HDAC9: variants seen among roughly 807,000 people sequenced by gnomAD.
HDAC9 encodes the protein histone deacetylase 9, also known as MEF-2 interacting transcription repressor (MITR) protein.
HDAC9 carries 41 observed loss-of-function variants against 139.4 expected under a neutral mutation model. The observed-to-expected ratio is 0.29, with a 90% CI of 0.23 to 0.38. The LOEUF (loss-of-function observed/expected upper bound fraction) is 0.38. Ranked by LOEUF, HDAC9 falls within the 10% of genes least tolerant of loss-of-function variation. HDAC9 has a pLI of 1.00. For missense variants in HDAC9, 1,147 were observed against 1,297.0 expected (o/e 0.88, Z 1.78); for synonymous variants, 517 against 476.2 (o/e 1.09, Z -1.12).
At chr7:18,780,903 A>G (rs1283087298) in intron 16 of HDAC9, among the ~76,000 whole-genome samples, 1 of 152,054 alleles carries the variant, frequency 6.6e-6, no homozygotes, top group African/African-American at 2.4e-5. Context: ...TTTAAAGTTC[A>G]CATCTGTATT....
intron 2 of HDAC9, among the ~76,000 whole-genome samples, chr7:18,228,951 A>G (rs1793257961): frequency 6.6e-6 from 1 of 152,168 alleles, no homozygotes; most frequent in African/African-American, 2.4e-5. Flanking sequence ...CAGTATGGGA[A>G]CCCATGCAGG....
At chr7:18,953,518 C>G (rs1782947219) in intron 23 of HDAC9, among the ~76,000 whole-genome samples, 1 of 152,048 alleles carries the variant, frequency 6.6e-6, no homozygotes, top group Non-Finnish European at 1.5e-5. Flanking sequence ...GATAGATTTG[C>G]AAGGTAGGAG....
intron 2 of HDAC9, among the ~76,000 whole-genome samples, chr7:18,546,033 G>C (rs1215733524): frequency 6.6e-6 from 1 of 151,986 alleles, no homozygotes; most frequent in African/African-American, 2.4e-5. Context: ...TATGCATATT[G>C]ACAAAACTGT....
chr7:18,902,323 C>G (rs981778919), intron 22 of HDAC9, among the ~76,000 whole-genome samples: 1 of 152,138 alleles, frequency 6.6e-6, no homozygotes, highest in South Asian at 2.1e-4. Context: ...GCAAAGCCCT[C>G]TAATGTGTCC....
intron 1 of HDAC9, among the ~76,000 whole-genome samples, chr7:18,435,385 A>T (rs1791093746): frequency 1.3e-5 from 2 of 152,092 alleles, no homozygotes; most frequent in Non-Finnish European, 2.9e-5. Context: ...ACAAACCTGC[A>T]CATGTACCCC....
At chr7:18,857,174 C>T (rs921744171) in intron 21 of HDAC9, among the ~76,000 whole-genome samples, 4 of 151,880 alleles carry the variant, frequency 2.6e-5, no homozygotes, top group Non-Finnish European at 4.4e-5. Context: ...TATTTATTTT[C>T]TTTCACTGAA....
At chr7:18,688,972 G>A (rs1374951891) in intron 12 of HDAC9, among the ~76,000 whole-genome samples, 1 of 151,958 alleles carries the variant, frequency 6.6e-6, no homozygotes, top group Non-Finnish European at 1.5e-5. Context: ...CTTAATGGAA[G>A]TTTTAATTAT....
chr7:18,422,921 A>C (rs1789776927), intron 1 of HDAC9, among the ~76,000 whole-genome samples: 1 of 152,210 alleles, frequency 6.6e-6, no homozygotes, highest in Admixed American at 6.5e-5. Flanking sequence ...TTAGGTCTCA[A>C]AACTTTCAAT....
At chr7:18,257,394 G>A (rs368691403) in intron 2 of HDAC9, among the ~76,000 whole-genome samples, 38 of 84,550 alleles carry the variant, frequency 4.5e-4, no homozygotes, top group African/African-American at 1.7e-3. Flanking sequence ...CTCTCTCTCT[G>A]TCTCTCCCAC....
intron 3 of HDAC9, 121 bp from the exon 4 acceptor site, chr7:18,590,214 TG>T: frequency 2.0e-6 from 2 of 987,498 alleles, no homozygotes; most frequent in East Asian, 5.2e-5. Flanking sequence ...ACAGAAAAAG[TG>T]GGTACAAATA....
chr7:18,773,281 G>A (rs564102605), intron 16 of HDAC9, among the ~76,000 whole-genome samples: 12 of 151,312 alleles, frequency 7.9e-5, no homozygotes, highest in African/African-American at 2.9e-4. Context: ...AAATGAGATG[G>A]CTAAAAAAAT....
At chr7:18,338,069 CTACAACAGGGTTAAG>C (rs1781715414) in intron 1 of HDAC9, among the ~76,000 whole-genome samples, 1 of 151,684 alleles carries the variant, frequency 6.6e-6, no homozygotes, top group Non-Finnish European at 1.5e-5. Flanking sequence ...ATATTTAAAT[CTACAACAGGGTTAAG>C]TACCTTTTTC....
Position 18,245,633 on chromosome 7 carries a change from A to G in HDAC9, c.25+83284A>G, listed in dbSNP as rs546613893. Among the ~76,000 whole-genome samples the G allele has an allele frequency of 4.3e-4, 65 of 152,152 alleles. 2 individuals carry two copies. The highest frequency in any genetic ancestry group is 1.5e-4 in the Non-Finnish European group (10 of 68,036). ...TTCAAGGACACTGAGATTACCTTCA[A>G]TGTTACTTTTTGGGAGATGTGAGAA... On this transcript the variant is annotated intron_variant, in intron 2 of 12. Transcript: ENST00000417496.
intron 2 of HDAC9, among the ~76,000 whole-genome samples, chr7:18,174,450 G>T (rs1788716035): frequency 6.6e-6 from 1 of 152,200 alleles, no homozygotes; most frequent in Non-Finnish European, 1.5e-5. Flanking sequence ...GCCTGCTTCT[G>T]TCAGCTCATC....
intron 1 of HDAC9, among the ~76,000 whole-genome samples, chr7:18,352,735 G>C (rs1034801205): frequency 3.3e-5 from 5 of 151,756 alleles, no homozygotes; most frequent in African/African-American, 1.2e-4. Context: ...AGTGAATCTC[G>C]GTGTGCAAAT....
chr7:18,867,842 C>T (rs1798610827), intron 21 of HDAC9, among the ~76,000 whole-genome samples: 1 of 151,998 alleles, frequency 6.6e-6, no homozygotes, highest in African/African-American at 2.4e-5. Context: ...TTATATTTTC[C>T]CATCTATTTT....
chr7:18,750,549 T>C (rs1788352998), intron 14 of HDAC9, among the ~76,000 whole-genome samples: 1 of 152,320 alleles, frequency 6.6e-6, no homozygotes, highest in Non-Finnish European at 1.5e-5. Context: ...TAGATTTATT[T>C]ATCTGGTCCT....
intron 12 of HDAC9, among the ~76,000 whole-genome samples, chr7:18,714,952 A>G (rs1267381743): frequency 6.6e-6 from 1 of 152,242 alleles, no homozygotes; most frequent in Non-Finnish European, 1.5e-5. Context: ...AAATAATTAC[A>G]AAAGTGTTTT....
rs542526431 is a variant in HDAC9 at position 18,669,061 on chromosome 7, A to C, written c.1731+2585A>C. ...TCCAAAATTTTCAAATAGCTAACAC[A>C]TGTAAAATTTGTTTCATTTTCCTTT... On this transcript the variant is annotated intron_variant, in intron 12 of 25. Transcript: ENST00000686413. Among the ~76,000 whole-genome samples the C allele has an allele frequency of 2.6e-5, 4 of 151,762 alleles. No individual in the cohort carries two copies. In the South Asian group the frequency reaches 8.3e-4, roughly 31 times the overall value.
Sources: allele counts gnomAD v4.1 joint callset (sites outside exome capture counted in the v4.1 genomes callset), GRCh38; gene constraint gnomAD v4.1.1; transcripts MANE v1.5; gene names NCBI Gene and HGNC (gene_info 2026-07-23, HGNC 2026-07-21).